The following CELF2 variants were observed in gnomAD, a reference collection of about 807,000 sequenced individuals.
The protein encoded by CELF2 is CUG triplet repeat RNA-binding protein 2.
A neutral mutation model predicts 62.6 loss-of-function variants in CELF2; 8 were observed. That is an observed-to-expected ratio of 0.13 (90% CI 0.07 to 0.23). The LOEUF is 0.23. Ranked by LOEUF, CELF2 falls within the 10% of genes least tolerant of loss-of-function variation. CELF2 has a pLI of 1.00. For synonymous variants in CELF2, 258 were observed against 250.0 expected, an observed-to-expected ratio of 1.03 and a Z score of -0.30; for missense variants, 333 against 671.0, an observed-to-expected ratio of 0.50 and a Z score of 5.56.
At chr10:11,151,496 G>C (rs1258286784) in intron 1 of CELF2, among the ~76,000 whole-genome samples, 1 of 152,116 alleles carries the variant, frequency 6.6e-6, no homozygotes, top group African/African-American at 2.4e-5. Flanking sequence ...CCTTCCAGTT[G>C]AGTGAGGTGG....
Position 11,285,144 on chromosome 10 carries a change from G to A in CELF2, c.842-3274G>A, listed in dbSNP as rs2090789608. ...TGATGGATATATGGATGGATGGTTG[G>A]ATGGATGGATGGGCAGATAGATGGA... is the stretch of plus-strand genomic sequence containing the variant. On this transcript the variant is annotated intron_variant, in intron 8 of 12. Transcript: ENST00000633077. This position sits in a 1 kb window ranked among gnomAD's most constrained non-coding sequence, Gnocchi z 4.3. 6.6e-6 allele frequency among the ~76,000 whole-genome samples: 1 copy of A among 151,884 alleles called. No homozygotes were observed. Among genetic ancestry groups the A allele is most frequent in the Non-Finnish European group, 1.5e-5 (1 of 67,952 alleles).
intron 1 of CELF2, among the ~76,000 whole-genome samples, chr10:11,135,269 A>G (rs754028434): frequency 6.6e-6 from 1 of 152,194 alleles, no homozygotes; most frequent in Non-Finnish European, 1.5e-5. Context: ...ACTTGTTTTA[A>G]AATAATTTAT....
Position 11,318,825 on chromosome 10 carries a change from G to A in CELF2, c.1097-2364G>A, listed in dbSNP as rs1425325742. 1 of 471,200 alleles carries A rather than the reference G, an allele frequency of 2.1e-6. No individual in the cohort carries two copies. The highest frequency in any genetic ancestry group is 4.4e-6 in the Non-Finnish European group (1 of 227,086). The allele number at this position is 471,200 out of a possible 1,614,324, so 29.2% of individuals were successfully genotyped here. A position where few individuals can be genotyped will look rare whatever the true frequency, so the allele number is the denominator to read the frequency against. Reference sequence around the variant, plus strand: ...ACCACTGCCATAAAATGCCACCTGTGTATCTGGCACTCTGGAGAAGCCGAG... The same window carrying A: ...ACCACTGCCATAAAATGCCACCTGTATATCTGGCACTCTGGAGAAGCCGAG... On this transcript the variant is annotated intron_variant, in intron 10 of 12. Coordinates refer to ENST00000633077, the MANE Select transcript of CELF2 (RefSeq NM_001326342.2). The surrounding 1 kb of genome is among the most constrained non-coding windows in gnomAD (Gnocchi z 5.4).
At chr10:11,301,501 A>C (rs868513648) in intron 9 of CELF2, among the ~76,000 whole-genome samples, 7 of 24,448 alleles carry the variant, frequency 2.9e-4, no homozygotes, top group Admixed American at 4.7e-4. Flanking sequence ...GCACCCCCCC[A>C]CCCCGCTCCC....
the CELF2 span, among the ~76,000 whole-genome samples, chr10:10,774,331 G>T: frequency 6.6e-6 from 1 of 152,192 alleles, no homozygotes; most frequent in African/African-American, 2.4e-5. Context: ...AGTTAAAACA[G>T]GGTGGTATGG....
chr10:10,469,833 G>A, the CELF2 span, among the ~76,000 whole-genome samples: 2 of 151,528 alleles, frequency 1.3e-5, no homozygotes, highest in Non-Finnish European at 3.0e-5. Context: ...GTAGATACAG[G>A]GTTAATTAAA....
At chr10:11,001,987 CT>C (rs1340880827), upstream of CELF2, among the ~76,000 whole-genome samples, 1 of 152,138 alleles carries the variant, frequency 6.6e-6, no homozygotes, top group African/African-American at 2.4e-5. Context: ...TCAGAAACTG[CT>C]TAAGCAATTT....
chr10:11,253,764 G>A lies in CELF2; in HGVS notation c.404-3974G>A, dbSNP rs144664292. ...TATCATGGAAGGTAGACTTCAAATG[G>A]CTGCTGGTGTGGAACCCCTTTTGAT... is the stretch of plus-strand genomic sequence containing the variant. On this transcript the variant is annotated intron_variant, in intron 4 of 12. Transcript: ENST00000633077. Among the ~76,000 whole-genome samples, 8 of 152,218 alleles carry A rather than the reference G, an allele frequency of 5.3e-5. No homozygotes were observed. The East Asian group carries it at 1.2e-3, about 22-fold the overall frequency.
chr10:11,254,747 A>C (rs1050565762), intron 4 of CELF2, among the ~76,000 whole-genome samples: 2 of 152,236 alleles, frequency 1.3e-5, no homozygotes, highest in African/African-American at 2.4e-5. Flanking sequence ...CAGATTGTTC[A>C]GGGTAAGAAG....
At chr10:10,462,638 T>TTTTTTTTTTTTTTTTTTTTATA in the CELF2 span, among the ~76,000 whole-genome samples, 1 of 126,644 alleles carries the variant, frequency 7.9e-6, no homozygotes, top group Admixed American at 8.2e-5. Flanking sequence ...TTTTTTTTTT[T>TTTTTTTTTTTTTTTTTTTTATA]GCTTTTTCTT....
intron 1 of CELF2, among the ~76,000 whole-genome samples, chr10:10,898,546 A>T (rs543669524): frequency 3.3e-5 from 5 of 152,346 alleles, no homozygotes; most frequent in Non-Finnish European, 7.3e-5. Context: ...GATAATCATA[A>T]AATGGTCAGT....
At chr10:10,540,780 G>C in the CELF2 span, among the ~76,000 whole-genome samples, 2 of 152,164 alleles carry the variant, frequency 1.3e-5, no homozygotes, top group South Asian at 4.1e-4. Context: ...GAACATTCCA[G>C]GTTCTGTAAG....
intron 2 of CELF2, among the ~76,000 whole-genome samples, chr10:10,996,555 C>G (rs2053972343): frequency 6.6e-6 from 1 of 152,134 alleles, no homozygotes; most frequent in Non-Finnish European, 1.5e-5. Context: ...TTTGTACTGC[C>G]TTGTTTTTTC....
chr10:10,724,904 G>T, the CELF2 span, among the ~76,000 whole-genome samples: 36 of 152,228 alleles, frequency 2.4e-4, no homozygotes, highest in South Asian at 2.5e-3. Flanking sequence ...TGGCAAATTT[G>T]ACATAAATTC....
upstream of CELF2, among the ~76,000 whole-genome samples, chr10:11,004,644 CT>C (rs1289831521): frequency 6.6e-6 from 1 of 152,184 alleles, no homozygotes; most frequent in Non-Finnish European, 1.5e-5. The surrounding 1 kb of genome is among the most constrained non-coding windows in gnomAD (Gnocchi z 5.0). Context: ...ACCAAACAAT[CT>C]TTGCATTGCC....
At chr10:10,550,037 C>T in the CELF2 span, among the ~76,000 whole-genome samples, 4 of 152,144 alleles carry the variant, frequency 2.6e-5, no homozygotes, top group Non-Finnish European at 1.5e-5. Context: ...TGACTCCCTG[C>T]ACAATTGAAA....
the CELF2 span, among the ~76,000 whole-genome samples, chr10:10,759,184 A>T: frequency 6.6e-6 from 1 of 152,218 alleles, no homozygotes; most frequent in Non-Finnish European, 1.5e-5. Context: ...TATGAAAGGA[A>T]GGTAAAATAG....
intron 1 of CELF2, among the ~76,000 whole-genome samples, chr10:10,887,188 T>C (rs1267643652): frequency 6.6e-6 from 1 of 152,056 alleles, no homozygotes; most frequent in Non-Finnish European, 1.5e-5. Flanking sequence ...CCAATCCAAC[T>C]TGCAAAGCCA....
chr10:10,488,138 GATTTATAATTT>G, the CELF2 span, among the ~76,000 whole-genome samples: 1 of 151,968 alleles, frequency 6.6e-6, no homozygotes, highest in Non-Finnish European at 1.5e-5. Context: ...TAACTAACTT[GATTTATAATTT>G]ATTTTGAAGT....
Sources: allele counts gnomAD v4.1 joint callset (sites outside exome capture counted in the v4.1 genomes callset), GRCh38; gene constraint gnomAD v4.1.1; non-coding constraint Gnocchi (gnomAD v3.1); transcripts MANE v1.5; gene names NCBI Gene and HGNC (gene_info 2026-07-23, HGNC 2026-07-21).